Variants in FRMD4B observed in about 807,000 individuals in gnomAD.
FRMD4B encodes FERM domain-containing protein 4B.
FRMD4B carries 74 observed loss-of-function variants against 141.5 expected under a neutral mutation model. That is an observed-to-expected ratio of 0.52 (90% CI 0.43 to 0.63). The LOEUF (loss-of-function observed/expected upper bound fraction) is 0.63. FRMD4B is among the 30% of genes least tolerant of loss of function. The pLI, the probability that FRMD4B is intolerant of heterozygous loss-of-function variation, is 0.00. For missense variants in FRMD4B, 1,366 were observed against 1,253.4 expected (o/e 1.09, Z -1.36); for synonymous variants, 506 against 467.9 (o/e 1.08, Z -1.05).
chr3:69,178,860 T>G (rs901976092), intron 21 of FRMD4B, among the ~76,000 whole-genome samples: 4 of 151,182 alleles, frequency 2.6e-5, no homozygotes, highest in Admixed American at 2.0e-4. Context: ...TTGCATACAT[T>G]AAATAGGAGA....
chr3:69,272,572 C>G (rs1487370538), intron 5 of FRMD4B, among the ~76,000 whole-genome samples: 1 of 152,234 alleles, frequency 6.6e-6, no homozygotes, highest in Non-Finnish European at 1.5e-5. Flanking sequence ...CACATACACT[C>G]GTATGTGTGT....
At chr3:69,200,878 A>G (rs923530060) in intron 11 of FRMD4B, 1 of 458,542 alleles carries the variant, frequency 2.2e-6, no homozygotes, top group Non-Finnish European at 4.4e-6. Context: ...CTTTGCGTCC[A>G]TTCCCACACA....
chr3:69,240,202 T>C (rs909045667), intron 7 of FRMD4B, among the ~76,000 whole-genome samples: 1 of 151,844 alleles, frequency 6.6e-6, no homozygotes, highest in African/African-American at 2.4e-5. Context: ...AGAAAAAGGA[T>C]ACATAGGCCA....
intron 7 of FRMD4B, among the ~76,000 whole-genome samples, chr3:69,227,134 C>A (rs2093262262): frequency 6.6e-6 from 1 of 152,108 alleles, no homozygotes; most frequent in Admixed American, 6.5e-5. Flanking sequence ...GTAATTTGAA[C>A]TATACACAAT....
intron 1 of FRMD4B, among the ~76,000 whole-genome samples, chr3:69,539,417 C>G (rs561585634): frequency 2.0e-5 from 3 of 152,194 alleles, no homozygotes; most frequent in Non-Finnish European, 4.4e-5. Flanking sequence ...TCCTCCCACA[C>G]TTTTCTAGAT....
intron 7 of FRMD4B, among the ~76,000 whole-genome samples, chr3:69,248,987 C>G (rs186278763): frequency 8.6e-4 from 131 of 152,226 alleles, no homozygotes; most frequent in African/African-American, 2.9e-3. Context: ...GAAAACAGAA[C>G]TTTGGAGAGC....
chr3:69,409,958 G>A (rs1704725825), intron 2 of FRMD4B, among the ~76,000 whole-genome samples: 1 of 152,072 alleles, frequency 6.6e-6, no homozygotes, highest in South Asian at 2.1e-4. Context: ...GGTTTAAGCT[G>A]GTCTGAAATG....
chr3:69,298,249 T>A (rs1701096749), intron 4 of FRMD4B, among the ~76,000 whole-genome samples: 1 of 152,250 alleles, frequency 6.6e-6, no homozygotes, highest in African/African-American at 2.4e-5. Context: ...AATATTTTCT[T>A]ACATTTGCAT....
At chr3:69,439,623 A>C (rs1705314031) in intron 1 of FRMD4B, among the ~76,000 whole-genome samples, 1 of 152,188 alleles carries the variant, frequency 6.6e-6, no homozygotes, top group Non-Finnish European at 1.5e-5. Flanking sequence ...GTCCCGAAGT[A>C]GAATCTTTGT....
At chr3:69,269,994 TTATC>T (rs946812183) in intron 5 of FRMD4B, among the ~76,000 whole-genome samples, 1 of 151,966 alleles carries the variant, frequency 6.6e-6, no homozygotes, top group Admixed American at 6.6e-5. Context: ...ATGGATATCT[TTATC>T]TATTTCTTTT....
At chr3:69,473,117 T>C (rs981673607) in intron 1 of FRMD4B, among the ~76,000 whole-genome samples, 6 of 152,002 alleles carry the variant, frequency 3.9e-5, no homozygotes, top group African/African-American at 1.2e-4. Flanking sequence ...GGAATGAAGG[T>C]TGGAGGAAAA....
intron 1 of FRMD4B, chr3:69,433,125 A>C (rs1183711523): frequency 6.6e-6 from 1 of 152,148 alleles, no homozygotes; most frequent in African/African-American, 2.4e-5. Flanking sequence ...GGGAGAGAGA[A>C]CTCAGTAATA....
At chr3:69,287,623 A>C in intron 5 of FRMD4B, 129 bp downstream of exon 5, 1 of 654,970 alleles carries the variant, frequency 1.5e-6, no homozygotes. Flanking sequence ...GGTAGGACAT[A>C]TTCATGGAAA....
chr3:69,275,077 T>C (rs746312675), intron 5 of FRMD4B, among the ~76,000 whole-genome samples: 1 of 152,214 alleles, frequency 6.6e-6, no homozygotes, highest in Admixed American at 6.5e-5. Flanking sequence ...AGCTGAAATA[T>C]ATAAAATGCT....
At chr3:69,410,718 AATAAATAAATATATATATATATATATAT>A (rs1262678301) in intron 2 of FRMD4B, among the ~76,000 whole-genome samples, 5 of 72,426 alleles carry the variant, frequency 6.9e-5, no homozygotes, top group South Asian at 6.0e-4. Context: ...TAAATAAATA[AATAAATAAATATATATATATATATATAT>A]ATATATATAT....
At chr3:69,540,602 G>C (rs1575605695) in intron 1 of FRMD4B, among the ~76,000 whole-genome samples, 1 of 92,094 alleles carries the variant, frequency 1.1e-5, no homozygotes, top group South Asian at 4.2e-4. Flanking sequence ...GACAGAGTGA[G>C]ACTCTGTCTC....
chr3:69,355,485 G>A (rs1333020682), intron 1 of FRMD4B, among the ~76,000 whole-genome samples: 1 of 152,166 alleles, frequency 6.6e-6, no homozygotes, highest in Non-Finnish European at 1.5e-5. Context: ...CTGGGTTGGA[G>A]AGTCGACTGA....
Position 69,353,850 on chromosome 3 carries a change from T to G in FRMD4B, c.162+31978A>C, listed in dbSNP as rs554560264. On this transcript the variant is annotated intron_variant, in intron 1 of 22. Transcript: ENST00000398540. ...ATAAAAACAACTAAAAAACTTCTGCTATTTCTTTTGGCCACTCAAACGCTT... is the reference window on the plus strand; with the variant it reads ...ATAAAAACAACTAAAAAACTTCTGCGATTTCTTTTGGCCACTCAAACGCTT... Among the ~76,000 whole-genome samples the G allele has an allele frequency of 2.6e-5, 4 of 152,358 alleles. No individual in the cohort carries two copies. The East Asian group carries it at 7.7e-4, about 29-fold the overall frequency.
chr3:69,235,732 A>G (rs755872699), intron 7 of FRMD4B, among the ~76,000 whole-genome samples: 6 of 152,170 alleles, frequency 3.9e-5, no homozygotes, highest in Non-Finnish European at 8.8e-5. Context: ...GGGTATTACC[A>G]GGTGGCAGAG....
Sources: gnomAD v4.1 joint callset for allele counts (sites outside exome capture counted in the v4.1 genomes callset) on GRCh38, gnomAD v4.1.1 for gene constraint, MANE v1.5 for transcripts, NCBI Gene and HGNC (gene_info 2026-07-23, HGNC 2026-07-21) for gene names.